The following BAIAP2L1 variants were observed in gnomAD, a reference collection of about 807,000 sequenced individuals.
The protein encoded by BAIAP2L1 is BAR/IMD domain-containing adapter protein 2-like 1.
BAIAP2L1 carries 35 observed loss-of-function variants against 66.3 expected under a neutral mutation model. The ratio of observed to expected loss-of-function variants is 0.53; its 90% CI spans 0.40 to 0.70. The LOEUF (loss-of-function observed/expected upper bound fraction) is 0.70. BAIAP2L1 is among the 30% of genes least tolerant of loss of function. The pLI is 0.00. For missense variants in BAIAP2L1, 622 were observed against 656.9 expected (o/e 0.95, Z 0.58); for synonymous variants, 269 against 248.7 (o/e 1.08, Z -0.77).
In BAIAP2L1 at chr7:98,306,520, C is replaced by G; in HGVS notation, c.1164-4G>C. On this transcript the variant is annotated splice_region_variant and splice_polypyrimidine_tract_variant and intron_variant, in intron 10 of 13. Coordinates refer to ENST00000005260, the MANE Select transcript of BAIAP2L1 (RefSeq NM_018842.5). ...CGACGACGGGAACCAACCCCTCCTA[C>G]CGGCAAAGAGGGAGAAAAGACCCTA... The G allele has an allele frequency of 6.2e-7, 1 of 1,614,154 alleles. No homozygotes were observed. The highest frequency in any genetic ancestry group is 8.5e-7 in the Non-Finnish European group (1 of 1,180,038).
intron 11 of BAIAP2L1, among the ~76,000 whole-genome samples, chr7:98,305,491 G>C (rs1706949283): frequency 6.6e-6 from 1 of 152,138 alleles, no homozygotes; most frequent in African/African-American, 2.4e-5. Flanking sequence ...TACCTGGCTA[G>C]CTGGATGGGT....
At position 98,310,768 on chromosome 7, in the gene BAIAP2L1, C is replaced by G. The variant is rs185388288; in HGVS notation, c.808-176G>C. Among the ~76,000 whole-genome samples, 5 of 152,050 alleles carry G rather than the reference C, an allele frequency of 3.3e-5. No individual in the cohort carries two copies. In the East Asian group the frequency reaches 9.7e-4, roughly 29 times the overall value. On this transcript the variant is annotated intron_variant, in intron 8 of 13. Transcript: ENST00000005260. ...GTGGCACGATCTCAGCTCACTGCAA[C>G]CTCCGCCTCCCAGTTTCAAGTGATT...
At chr7:98,357,425 G>C (rs1478044846) in intron 2 of BAIAP2L1, among the ~76,000 whole-genome samples, 1 of 151,022 alleles carries the variant, frequency 6.6e-6, no homozygotes, top group African/African-American at 2.4e-5. Flanking sequence ...AAATTAGCCG[G>C]GCATGGTGGC....
At chr7:98,345,509 G>A (rs1801850205) in intron 3 of BAIAP2L1, among the ~76,000 whole-genome samples, 1 of 152,120 alleles carries the variant, frequency 6.6e-6, no homozygotes, top group Non-Finnish European at 1.5e-5. Context: ...TGGATCACCT[G>A]AGGTAAGGAG....
chr7:98,308,039 T>A, intron 9 of BAIAP2L1, 143 bp from the exon 10 acceptor site: 1 of 811,386 alleles, frequency 1.2e-6, no homozygotes, highest in Non-Finnish European at 2.1e-6. Flanking sequence ...TCCTATTTCC[T>A]CGCTTTGATC....
intron 12 of BAIAP2L1, among the ~76,000 whole-genome samples, chr7:98,301,529 G>A (rs1024248822): frequency 2.7e-5 from 4 of 150,606 alleles, no homozygotes; most frequent in Non-Finnish European, 4.4e-5. Flanking sequence ...GTGTTAGCCA[G>A]GATGGTTTTG....
intron 1 of BAIAP2L1, among the ~76,000 whole-genome samples, chr7:98,390,466 C>T (rs1300586456): frequency 3.3e-5 from 5 of 151,724 alleles, no homozygotes; most frequent in Non-Finnish European, 7.4e-5. Context: ...CAGTGGCTCA[C>T]GCCTGTAATC....
chr7:98,308,053 GC>G, intron 9 of BAIAP2L1, 157 bp from the exon 10 acceptor site: 2 of 761,664 alleles, frequency 2.6e-6, no homozygotes, highest in Non-Finnish European at 4.6e-6. Context: ...TTTGATCATT[GC>G]CCAGAAGGAA....
chr7:98,366,028 G>T (rs1026226192), intron 1 of BAIAP2L1, among the ~76,000 whole-genome samples: 2 of 152,176 alleles, frequency 1.3e-5, no homozygotes, highest in African/African-American at 4.8e-5. Flanking sequence ...GTGTGCACAG[G>T]GTAGTGGCTG....
intron 2 of BAIAP2L1, among the ~76,000 whole-genome samples, chr7:98,361,366 A>G (rs1364592559): frequency 2.0e-5 from 3 of 151,518 alleles, no homozygotes; most frequent in Non-Finnish European, 2.9e-5. Context: ...GGGAAAAAAA[A>G]AAAGAAAGAA....
At chr7:98,321,442 G>A (rs1801242727) in intron 3 of BAIAP2L1, among the ~76,000 whole-genome samples, 1 of 152,170 alleles carries the variant, frequency 6.6e-6, no homozygotes, top group South Asian at 2.1e-4. Flanking sequence ...TGCCTCTGCT[G>A]GGAATACACC....
chr7:98,372,073 C>T (rs1215749350), intron 1 of BAIAP2L1, among the ~76,000 whole-genome samples: 1 of 151,820 alleles, frequency 6.6e-6, no homozygotes, highest in Admixed American at 6.6e-5. Context: ...GGATTACAGG[C>T]GTGAGCCATC....
intron 1 of BAIAP2L1, among the ~76,000 whole-genome samples, chr7:98,392,684 A>T (rs1475231397): frequency 2.0e-5 from 3 of 152,062 alleles, no homozygotes; most frequent in Non-Finnish European, 4.4e-5. Context: ...AGTCATCAAA[A>T]TGATAGAGCA....
At chr7:98,367,058 A>ATC (rs368904197) in intron 1 of BAIAP2L1, among the ~76,000 whole-genome samples, 1 of 144,462 alleles carries the variant, frequency 6.9e-6, no homozygotes, top group Non-Finnish European at 1.5e-5. Context: ...AGGTAATTAA[A>ATC]TTTTTTTTTT....
At chr7:98,348,384 T>A (rs561691873) in intron 3 of BAIAP2L1, among the ~76,000 whole-genome samples, 2 of 151,804 alleles carry the variant, frequency 1.3e-5, no homozygotes, top group East Asian at 3.9e-4. Flanking sequence ...CTGGGCAACA[T>A]GACAAAACCC....
Position 98,312,242 on chromosome 7 carries a change from T to A in BAIAP2L1, c.662A>T (p.Lys221Met), listed in dbSNP as rs1800901315. Residue 221 changes from lysine to methionine, a missense_variant, in exon 8 of 14, where the codon AAG (lysine) becomes ATG (methionine). Physicochemically the swap from Lys to Met is moderately conservative, Grantham distance 95. Transcript: ENST00000005260. ...ACAGGTCTCCTGCCACCGAGGCAGCTTGGAATTCAGTAGTTCTGCAGACTG... is the reference window on the plus strand; with the variant it reads ...ACAGGTCTCCTGCCACCGAGGCAGCATGGAATTCAGTAGTTCTGCAGACTG... ...HLQSAELLNS[K>M]LPRWQETCVD... 5 of 1,612,770 alleles carry A rather than the reference T, an allele frequency of 3.1e-6. No individual in the cohort carries two copies. Among genetic ancestry groups the A allele is most frequent in the Non-Finnish European group, 4.2e-6 (5 of 1,179,656 alleles).
rs1253301548 is a variant in BAIAP2L1 at position 98,386,908 on chromosome 7, C to A, written c.51+13894G>T. On this transcript the variant is annotated intron_variant, in intron 1 of 13. Transcript: ENST00000005260. ...TAGAGACGGGGTTTCACCGTGTTGG[C>A]CAGGATGGTCTTGATCTCTTGACTT... 2.0e-5 allele frequency among the ~76,000 whole-genome samples: 3 copies of A among 151,914 alleles called. No homozygotes were observed. In the East Asian group the frequency reaches 5.8e-4, roughly 29 times the overall value.
At chr7:98,317,656 C>T (rs1303712607) in intron 5 of BAIAP2L1, among the ~76,000 whole-genome samples, 2 of 151,404 alleles carry the variant, frequency 1.3e-5, no homozygotes, top group Admixed American at 1.3e-4. Context: ...CATCCACACA[C>T]TGGCTGGGAC....
intron 3 of BAIAP2L1, among the ~76,000 whole-genome samples, chr7:98,350,127 AG>A (rs1801966716): frequency 6.6e-6 from 1 of 152,054 alleles, no homozygotes; most frequent in Non-Finnish European, 1.5e-5. Flanking sequence ...AAAAAAAAAA[AG>A]AACATACTGA....
Sources: allele counts gnomAD v4.1 joint callset (sites outside exome capture counted in the v4.1 genomes callset), GRCh38; gene constraint gnomAD v4.1.1; transcripts MANE v1.5; gene names NCBI Gene and HGNC (gene_info 2026-07-23, HGNC 2026-07-21).